Variants in SPIRE1 observed in about 807,000 individuals in gnomAD.
The protein encoded by SPIRE1 is spire type actin nucleation factor 1.
In SPIRE1, 40 loss-of-function variants were observed where a neutral mutation model predicts 94.1. The ratio of observed to expected loss-of-function variants is 0.43; its 90% CI spans 0.33 to 0.55. The LOEUF is 0.55. SPIRE1 is among the 20% of genes least tolerant of loss of function. The pLI is 0.06. For synonymous variants in SPIRE1, 376 were observed against 371.7 expected, an observed-to-expected ratio of 1.01 and a Z score of -0.13; for missense variants, 838 against 975.2, an observed-to-expected ratio of 0.86 and a Z score of 1.87.
At chr18:12,529,108 G>A (rs913480644) in intron 4 of SPIRE1, among the ~76,000 whole-genome samples, 5 of 152,178 alleles carry the variant, frequency 3.3e-5, no homozygotes, top group African/African-American at 1.2e-4. Context: ...AGTGGCTCAC[G>A]CCTGTAATCC....
chr18:12,499,986 T>C (rs557072113), intron 6 of SPIRE1, among the ~76,000 whole-genome samples: 1 of 152,302 alleles, frequency 6.6e-6, no homozygotes, highest in Non-Finnish European at 1.5e-5. Flanking sequence ...GCAACATGGA[T>C]GGAGCTGGAG....
chr18:12,465,464 C>A (rs1288328601), intron 10 of SPIRE1, among the ~76,000 whole-genome samples: 2 of 152,124 alleles, frequency 1.3e-5, no homozygotes, highest in Non-Finnish European at 2.9e-5. Flanking sequence ...GAGCATGTTT[C>A]TTATCTTAGT....
At chr18:12,486,267 TA>T (rs372040361) in intron 8 of SPIRE1, among the ~76,000 whole-genome samples, 33 of 152,322 alleles carry the variant, frequency 2.2e-4, no homozygotes, top group African/African-American at 7.9e-4. Context: ...GAAAGCATGA[TA>T]AAAATACAAA....
At chr18:12,552,760 T>C (rs2035390192) in intron 2 of SPIRE1, among the ~76,000 whole-genome samples, 2 of 151,784 alleles carry the variant, frequency 1.3e-5, no homozygotes, top group Admixed American at 6.6e-5. Context: ...CCCCTTAGAG[T>C]TGTGAGCCCT....
chr18:12,578,759 T>C lies in SPIRE1; in HGVS notation c.373-31855A>G, dbSNP rs541318310. On this transcript the variant is annotated intron_variant, in intron 2 of 16. Coordinates refer to ENST00000409402, the MANE Select transcript of SPIRE1 (RefSeq NM_001128626.2). The stretch of plus-strand genomic sequence containing the variant: ...TCACCTAGTCTATGGTATTCCATTA[T>C]AGCAGCCCAAACTGACTAAGACAGT... Among the ~76,000 whole-genome samples the C allele has an allele frequency of 1.1e-4, 17 of 152,284 alleles. 1 individual carries two copies. The South Asian group carries it at 3.5e-3, about 32-fold the overall frequency.
Position 12,657,631 on chromosome 18 carries a change from C to A in SPIRE1, c.236G>T (p.Arg79Leu). 7.6e-7 allele frequency: 1 copy of A among 1,311,476 alleles called. No homozygotes were observed. The highest frequency in any genetic ancestry group is 2.3e-5 in the South Asian group (1 of 43,986). The allele number at this position is 1,311,476 out of a possible 1,614,324, so 81.2% of individuals were successfully genotyped here. ...LRAAARRRQP[R>L]HRVRSAAQIR... is the part of the protein sequence containing the mutation. ...CTGCGCGGCCGAGCGCACACGGTGG[C>A]GGGGCTGGCGGCGGCGGGCGGCGGC... Residue 79 changes from arginine to leucine, a missense_variant, in exon 1 of 17, where the codon CGC becomes CTC. Around this residue, in one of 2 missense-constraint regions of SPIRE1, gnomAD observed 193 missense variants for 170.5 expected, o/e 1.13. Transcript: ENST00000409402.
At chr18:12,563,216 A>AAG (rs1466394317) in intron 2 of SPIRE1, among the ~76,000 whole-genome samples, 1 of 152,070 alleles carries the variant, frequency 6.6e-6, no homozygotes, top group Non-Finnish European at 1.5e-5. Flanking sequence ...TAAAAAAAAA[A>AAG]AAATCTGAGT....
chr18:12,523,738 A>G (rs2034427281), intron 4 of SPIRE1, among the ~76,000 whole-genome samples: 1 of 152,104 alleles, frequency 6.6e-6, no homozygotes, highest in African/African-American at 2.4e-5. Context: ...ATGGAGTGCA[A>G]AATGGTGTAA....
rs901069823 is a variant in SPIRE1 at position 12,578,115 on chromosome 18, C to T, written c.373-31211G>A. Among the ~76,000 whole-genome samples the T allele has an allele frequency of 3.9e-5, 6 of 152,094 alleles. 1 individual carries two copies. The highest frequency in any genetic ancestry group is 2.1e-4 in the South Asian group (1 of 4,834). On this transcript the variant is annotated intron_variant, in intron 2 of 16. Transcript: ENST00000409402. ...CATTGCTGGTGTGAATACAAAACAA[C>T]GCAACCACATTGTAAAATTGTTTAG...
intron 12 of SPIRE1, among the ~76,000 whole-genome samples, chr18:12,459,266 A>G (rs1406296553): frequency 1.3e-5 from 2 of 152,236 alleles, no homozygotes; most frequent in African/African-American, 4.8e-5. Flanking sequence ...CAGCTTCATG[A>G]CAGGTGATGG....
At position 12,513,124 on chromosome 18, in the gene SPIRE1, T is replaced by C. The variant is rs572545591; in HGVS notation, c.730-593A>G. 2.0e-4 allele frequency among the ~76,000 whole-genome samples: 30 copies of C among 152,306 alleles called. No individual in the cohort carries two copies. In the South Asian group the frequency reaches 5.6e-3, roughly 28 times the overall value. On this transcript the variant is annotated intron_variant, in intron 4 of 16. Transcript: ENST00000409402. ...TCCCTCTAGACTTCATGAGGCAGAA[T>C]CCCATCTTCAGAGGCCACACAAGCA...
intron 2 of SPIRE1, among the ~76,000 whole-genome samples, chr18:12,632,235 G>A (rs146693316): frequency 5.0e-4 from 76 of 152,212 alleles, no homozygotes; most frequent in Non-Finnish European, 7.8e-4. Context: ...ACAGAGCCCT[G>A]GACCAGTCTT....
At chr18:12,580,350 G>A (rs921299798) in intron 2 of SPIRE1, among the ~76,000 whole-genome samples, 7 of 151,864 alleles carry the variant, frequency 4.6e-5, no homozygotes, top group Non-Finnish European at 1.0e-4. Context: ...GGGAGATGGA[G>A]TCTCGCTCTG....
intron 5 of SPIRE1, among the ~76,000 whole-genome samples, chr18:12,508,518 A>G (rs978826865): frequency 6.6e-5 from 10 of 152,318 alleles, no homozygotes; most frequent in African/African-American, 2.4e-4. Context: ...CTTTTGTCCC[A>G]ACTTCCACAT....
intron 10 of SPIRE1, among the ~76,000 whole-genome samples, chr18:12,468,802 C>T (rs1375000895): frequency 6.6e-6 from 1 of 152,144 alleles, no homozygotes; most frequent in Non-Finnish European, 1.5e-5. Flanking sequence ...CTCGCCCCTG[C>T]ATTCCCAGCA....
chr18:12,555,131 T>C (rs113305198), intron 2 of SPIRE1, among the ~76,000 whole-genome samples: 1,702 of 152,206 alleles, frequency 0.011, 38 homozygotes, highest in African/African-American at 0.039. Context: ...TAGTTGGCCA[T>C]GGAGATGATT....
intron 3 of SPIRE1, among the ~76,000 whole-genome samples, chr18:12,536,986 T>C (rs1200306964): frequency 3.9e-5 from 6 of 152,202 alleles, no homozygotes; most frequent in Non-Finnish European, 8.8e-5. Flanking sequence ...ATCTTTGTAG[T>C]TTGTAATAGC....
At chr18:12,594,615 A>C (rs1204221124) in intron 2 of SPIRE1, among the ~76,000 whole-genome samples, 1 of 152,214 alleles carries the variant, frequency 6.6e-6, no homozygotes. Flanking sequence ...TTGTTGGGGA[A>C]TGGGGTTGCA....
chr18:12,486,175 T>TTAG (rs767583437), intron 8 of SPIRE1, among the ~76,000 whole-genome samples, 175 bp from the exon 9 acceptor site: 2 of 152,194 alleles, frequency 1.3e-5, no homozygotes, highest in Non-Finnish European at 2.9e-5. Flanking sequence ...TGCAAGAGTC[T>TTAG]TAGTTTCAGT....
Sources: allele counts gnomAD v4.1 joint callset (sites outside exome capture counted in the v4.1 genomes callset), GRCh38; gene constraint gnomAD v4.1.1; regional missense constraint gnomAD v4.1.1; transcripts MANE v1.5; gene names NCBI Gene and HGNC (gene_info 2026-07-23, HGNC 2026-07-21).